PRR16: variants seen among roughly 807,000 people sequenced by gnomAD.
PRR16 encodes the protein proline rich 16, also known as protein Largen.
In PRR16, 6 loss-of-function variants were observed where a neutral mutation model predicts 18.2. That is an observed-to-expected ratio of 0.33 (90% CI 0.18 to 0.65). The LOEUF is 0.65. Ranked by LOEUF, PRR16 falls within the 30% of genes least tolerant of loss-of-function variation. The pLI is 0.74. For missense variants in PRR16, 412 were observed against 376.6 expected (o/e 1.09, Z -0.78); for synonymous variants, 151 against 147.8 (o/e 1.02, Z -0.16).
chr5:120,532,025 T>C (rs886979725), intron 1 of PRR16, among the ~76,000 whole-genome samples: 1 of 152,176 alleles, frequency 6.6e-6, no homozygotes, highest in Non-Finnish European at 1.5e-5. Flanking sequence ...GTTTGGGCTC[T>C]CTTCTCATAT....
intron 1 of PRR16, among the ~76,000 whole-genome samples, chr5:120,567,890 A>G (rs1016503043): frequency 2.0e-5 from 3 of 152,184 alleles, no homozygotes; most frequent in African/African-American, 7.2e-5. Flanking sequence ...ACAGACTAAT[A>G]CATACATGAT....
chr5:120,562,426 A>G (rs1608670), intron 1 of PRR16, among the ~76,000 whole-genome samples: 7,574 of 152,130 alleles, frequency 0.05, 236 homozygotes, highest in East Asian at 0.1. Flanking sequence ...TTTTTTATAT[A>G]CATACAGTCA....
intron 1 of PRR16, among the ~76,000 whole-genome samples, chr5:120,636,008 C>A (rs2112847772): frequency 6.6e-6 from 1 of 152,098 alleles, no homozygotes; most frequent in East Asian, 1.9e-4. Flanking sequence ...AAGTCAACCC[C>A]TTTCACAATG....
chr5:120,748,007 TATTTCTCTATATATTATC>T, the PRR16 span, among the ~76,000 whole-genome samples: 1 of 152,104 alleles, frequency 6.6e-6, no homozygotes, highest in Admixed American at 6.6e-5. Flanking sequence ...TGCTGCCATA[TATTTCTCTATATATTATC>T]CAACAATTTA....
the PRR16 span, among the ~76,000 whole-genome samples, chr5:120,733,938 A>G: frequency 1.3e-5 from 2 of 152,114 alleles, no homozygotes; most frequent in Non-Finnish European, 2.9e-5. Flanking sequence ...CATTTATTTT[A>G]TTTCAATCTG....
At chr5:120,589,247 T>A (rs1312767818) in intron 1 of PRR16, among the ~76,000 whole-genome samples, 4 of 152,168 alleles carry the variant, frequency 2.6e-5, no homozygotes, top group African/African-American at 9.7e-5. Context: ...ATATGCATAC[T>A]CCAGTTAAGC....
chr5:120,757,265 C>T, the PRR16 span, among the ~76,000 whole-genome samples: 5 of 152,032 alleles, frequency 3.3e-5, no homozygotes, highest in African/African-American at 4.8e-5. Context: ...CCTCTGGCTT[C>T]GTTCTTTTGG....
chr5:120,785,379 T>A, the PRR16 span, among the ~76,000 whole-genome samples: 1 of 152,048 alleles, frequency 6.6e-6, no homozygotes, highest in Admixed American at 6.6e-5. Context: ...ATGCCCAGCA[T>A]CAAGAAAGCT....
chr5:120,650,374 A>T (rs1390330741), intron 1 of PRR16, among the ~76,000 whole-genome samples: 1 of 151,644 alleles, frequency 6.6e-6, no homozygotes, highest in Non-Finnish European at 1.5e-5. Context: ...CATGTGCACA[A>T]CATGCAGGTT....
chr5:120,568,675 G>T (rs566560695), intron 1 of PRR16, among the ~76,000 whole-genome samples: 1 of 152,082 alleles, frequency 6.6e-6, no homozygotes, highest in East Asian at 1.9e-4. Context: ...GTAGTGAACA[G>T]GGTAATACAA....
At chr5:120,700,923 C>G in the PRR16 span, among the ~76,000 whole-genome samples, 5 of 152,254 alleles carry the variant, frequency 3.3e-5, no homozygotes, top group South Asian at 2.1e-4. Context: ...TCCAGGGGCT[C>G]TGGGAGTGGC....
At chr5:120,770,764 T>A in the PRR16 span, among the ~76,000 whole-genome samples, 2 of 152,120 alleles carry the variant, frequency 1.3e-5, no homozygotes, top group East Asian at 3.9e-4. Flanking sequence ...TCGCACACAC[T>A]GTTTTCACTG....
At chr5:120,556,611 C>A (rs1752421339) in intron 1 of PRR16, among the ~76,000 whole-genome samples, 1 of 151,930 alleles carries the variant, frequency 6.6e-6, no homozygotes, top group African/African-American at 2.4e-5. Context: ...TCAACAGTTT[C>A]ATCTTTGCCA....
At chr5:120,676,715 T>C (rs10066878) in intron 1 of PRR16, among the ~76,000 whole-genome samples, 8,842 of 152,184 alleles carry the variant, frequency 0.058, 313 homozygotes, top group South Asian at 0.085. Flanking sequence ...AAGGAGTCGA[T>C]TGGCCTCATC....
In PRR16 at chr5:120,523,496, A is replaced by C. The variant is rs543111593; in HGVS notation, c.159+58851A>C. ...TTGTGAGTATTATAAACAGCATTTA[A>C]TGTCCATGTCAATGAATATGGTTTA... On this transcript the variant is annotated intron_variant, in intron 1 of 1. Coordinates refer to ENST00000407149, the MANE Select transcript of PRR16 (RefSeq NM_001300783.2). 3.7e-3 allele frequency among the ~76,000 whole-genome samples: 564 copies of C among 152,248 alleles called. 5 individuals carry two copies. The highest frequency in any genetic ancestry group is 0.013 in the African/African-American group (521 of 41,552).
At chr5:120,480,241 T>C (rs1749567803) in intron 1 of PRR16, among the ~76,000 whole-genome samples, 1 of 152,122 alleles carries the variant, frequency 6.6e-6, no homozygotes, top group African/African-American at 2.4e-5. Flanking sequence ...TGTGATTGTT[T>C]CATTAATCAT....
chr5:120,522,499 G>A (rs1163116642), intron 1 of PRR16, among the ~76,000 whole-genome samples: 2 of 152,054 alleles, frequency 1.3e-5, no homozygotes, highest in East Asian at 1.9e-4. Flanking sequence ...CATATCCTTC[G>A]CCCACTTTTT....
intron 1 of PRR16, among the ~76,000 whole-genome samples, chr5:120,646,074 A>ATATATATATATATATATC (rs1475860368): frequency 1.1e-4 from 15 of 136,346 alleles, no homozygotes; most frequent in Non-Finnish European, 1.9e-4. Flanking sequence ...ATATATATAT[A>ATATATATATATATATATC]TCATAGTTTC....
chr5:120,467,668 G>T (rs1749146152), intron 1 of PRR16, among the ~76,000 whole-genome samples: 1 of 151,992 alleles, frequency 6.6e-6, no homozygotes, highest in Non-Finnish European at 1.5e-5. Context: ...TTGTTATTTT[G>T]GGTATCTGTT....
Sources: gnomAD v4.1 joint callset for allele counts (sites outside exome capture counted in the v4.1 genomes callset) on GRCh38, gnomAD v4.1.1 for gene constraint, MANE v1.5 for transcripts, NCBI Gene and HGNC (gene_info 2026-07-23, HGNC 2026-07-21) for gene names.